Variants in SUPT3H observed in about 807,000 individuals in gnomAD.
The protein encoded by SUPT3H is transcription initiation protein SPT3 homolog.
A neutral mutation model predicts 44.3 loss-of-function variants in SUPT3H; 44 were observed. That is an observed-to-expected ratio of 0.99 (90% CI 0.78 to 1.28). The LOEUF (loss-of-function observed/expected upper bound fraction) is 1.28, where lower values mean the gene tolerates loss of function less well. SUPT3H is among the 50% of genes most tolerant of loss of function. SUPT3H has a pLI of 0.00. For missense variants in SUPT3H, 380 were observed against 387.1 expected, an observed-to-expected ratio of 0.98 and a Z score of 0.15; for synonymous variants, 124 against 125.6, an observed-to-expected ratio of 0.99 and a Z score of 0.09.
intron 10 of SUPT3H, chr6:44,898,882 CA>C (rs1204678690): frequency 6.6e-6 from 1 of 152,238 alleles, no homozygotes; most frequent in African/African-American, 2.4e-5. Context: ...GGTGAGCTGT[CA>C]GTGGTCATTG....
intron 2 of SUPT3H, among the ~76,000 whole-genome samples, chr6:45,121,944 G>A (rs547967492): frequency 2.0e-4 from 31 of 152,008 alleles, no homozygotes; most frequent in African/African-American, 7.2e-4. Context: ...CCAAAGTGCT[G>A]GGATTACAGG....
intron 1 of SUPT3H, among the ~76,000 whole-genome samples, chr6:45,373,034 T>C (rs1796306693): frequency 6.6e-6 from 1 of 152,154 alleles, no homozygotes; most frequent in Non-Finnish European, 1.5e-5. Flanking sequence ...CTCAAACTCC[T>C]GACCTCAGGC....
chr6:45,194,254 C>T (rs893113937), intron 2 of SUPT3H, among the ~76,000 whole-genome samples: 2 of 151,984 alleles, frequency 1.3e-5, no homozygotes, highest in Non-Finnish European at 2.9e-5. Flanking sequence ...TCAAACACAA[C>T]ACATGTATCC....
chr6:44,933,392 T>A (rs1770905521), intron 9 of SUPT3H, among the ~76,000 whole-genome samples: 1 of 152,148 alleles, frequency 6.6e-6, no homozygotes, highest in African/African-American at 2.4e-5. Flanking sequence ...TTATTTGCGA[T>A]GAGAGTGTGA....
At chr6:45,057,525 A>G (rs1208674144) in intron 3 of SUPT3H, among the ~76,000 whole-genome samples, 1 of 152,164 alleles carries the variant, frequency 6.6e-6, no homozygotes, top group African/African-American at 2.4e-5. Context: ...AAAACCTAAT[A>G]GAGCCTGACA....
intron 3 of SUPT3H, among the ~76,000 whole-genome samples, chr6:45,031,085 T>C (rs1378980335): frequency 6.6e-6 from 1 of 152,202 alleles, no homozygotes; most frequent in Non-Finnish European, 1.5e-5. Flanking sequence ...TAAATGCCTA[T>C]GATTTCATGT....
chr6:45,209,308 T>C (rs1763715099), intron 2 of SUPT3H, among the ~76,000 whole-genome samples: 1 of 152,278 alleles, frequency 6.6e-6, no homozygotes, highest in East Asian at 1.9e-4. Context: ...CTCTGACAGA[T>C]GTGGGCAAAG....
chr6:44,934,081 T>C (rs1462631703), intron 9 of SUPT3H, among the ~76,000 whole-genome samples: 3 of 152,228 alleles, frequency 2.0e-5, no homozygotes, highest in Non-Finnish European at 4.4e-5. Context: ...TAGAAGTCAT[T>C]TGTAGTCACA....
chr6:45,178,829 G>A (rs1473403210), intron 2 of SUPT3H, among the ~76,000 whole-genome samples: 3 of 152,008 alleles, frequency 2.0e-5, no homozygotes, highest in East Asian at 1.9e-4. Context: ...GGTACATAAC[G>A]AAATGAAGGC....
At chr6:45,189,732 A>T (rs1814827729) in intron 2 of SUPT3H, among the ~76,000 whole-genome samples, 1 of 152,182 alleles carries the variant, frequency 6.6e-6, no homozygotes, top group Non-Finnish European at 1.5e-5. Flanking sequence ...TGTGAAACAA[A>T]CTAAGAGCCT....
chr6:45,309,265 T>C (rs902004238), intron 2 of SUPT3H, among the ~76,000 whole-genome samples: 3 of 149,026 alleles, frequency 2.0e-5, no homozygotes, highest in Non-Finnish European at 4.4e-5. Context: ...GTGAGCTCAG[T>C]GAACTTCAAG....
intron 2 of SUPT3H, among the ~76,000 whole-genome samples, chr6:45,249,100 CA>C (rs954032283): frequency 2.6e-5 from 4 of 151,722 alleles, no homozygotes; most frequent in Non-Finnish European, 5.9e-5. Flanking sequence ...TTTTTAGCAA[CA>C]AAAAAAGGAG....
intron 9 of SUPT3H, among the ~76,000 whole-genome samples, chr6:44,936,773 T>G (rs589067): frequency 0.014 from 2,115 of 152,266 alleles, 59 homozygotes; most frequent in African/African-American, 0.049. Context: ...GTTCAAGTGA[T>G]TCTCATGCAT....
chr6:45,020,163 T>C (rs1161875767), intron 4 of SUPT3H, among the ~76,000 whole-genome samples: 6 of 151,942 alleles, frequency 3.9e-5, no homozygotes, highest in Non-Finnish European at 7.4e-5. Context: ...AATTACTCTA[T>C]GAAAGTCTAT....
At chr6:45,104,592 G>A (rs1265798455) in intron 3 of SUPT3H, among the ~76,000 whole-genome samples, 1 of 151,930 alleles carries the variant, frequency 6.6e-6, no homozygotes. Flanking sequence ...AACGGAGTTG[G>A]CTCATCTTGA....
intron 2 of SUPT3H, among the ~76,000 whole-genome samples, chr6:45,274,913 T>C (rs372818787): frequency 1.2e-4 from 18 of 152,262 alleles, no homozygotes; most frequent in East Asian, 9.6e-4. Context: ...TTGTCAAGTA[T>C]TAATTTTTGT....
intron 3 of SUPT3H, among the ~76,000 whole-genome samples, chr6:45,062,816 A>T (rs1348602248): frequency 6.6e-6 from 1 of 152,064 alleles, no homozygotes; most frequent in African/African-American, 2.4e-5. Flanking sequence ...TCCTACGCCC[A>T]CGGAGTCTCC....
At chr6:45,202,999 C>T (rs1362001149) in intron 2 of SUPT3H, among the ~76,000 whole-genome samples, 1 of 151,782 alleles carries the variant, frequency 6.6e-6, no homozygotes, top group East Asian at 1.9e-4. Context: ...TACACAAATA[C>T]TGATAAAATA....
intron 2 of SUPT3H, among the ~76,000 whole-genome samples, chr6:45,306,113 C>T (rs1373742875): frequency 6.6e-6 from 1 of 152,196 alleles, no homozygotes; most frequent in African/African-American, 2.4e-5. Context: ...GACCCAGATG[C>T]CAGAGCCATA....
Sources: gnomAD v4.1 joint callset for allele counts (sites outside exome capture counted in the v4.1 genomes callset) on GRCh38, gnomAD v4.1.1 for gene constraint, MANE v1.5 for transcripts, NCBI Gene and HGNC (gene_info 2026-07-23, HGNC 2026-07-21) for gene names.